Variants in MON2 observed in about 807,000 individuals in gnomAD.
MON2 encodes the protein protein MON2 homolog.
In MON2, 84 loss-of-function variants were observed where a neutral mutation model predicts 208.6. The ratio of observed to expected loss-of-function variants is 0.40; its 90% CI spans 0.34 to 0.48. The LOEUF is 0.48. Among genes scored for constraint, MON2 ranks in the 20% least tolerant of loss-of-function variants. The pLI, the probability that MON2 is intolerant of heterozygous loss-of-function variation, is 0.59. For synonymous variants in MON2, 660 were observed against 694.0 expected (o/e 0.95, Z 0.77); for missense variants, 1,611 against 2,015.4 (o/e 0.80, Z 3.84).
chr12:62,470,831 G>C (rs2068755870), intron 1 of MON2: 1 of 778,808 alleles, frequency 1.3e-6, no homozygotes, highest in Non-Finnish European at 1.6e-6. Flanking sequence ...GGAGCCATTA[G>C]AGCTTTTTGA....
chr12:62,513,854 G>T (rs566608647), intron 8 of MON2, among the ~76,000 whole-genome samples: 3 of 146,376 alleles, frequency 2.0e-5, no homozygotes, highest in Non-Finnish European at 4.6e-5. Context: ...GGAGGCTGAG[G>T]CAGGAGAATG....
chr12:62,570,722 C>CTTTTTTTTTTTTTTTTTT (rs1192680038), intron 29 of MON2, among the ~76,000 whole-genome samples: 2 of 70,814 alleles, frequency 2.8e-5, no homozygotes, highest in African/African-American at 5.9e-5. Flanking sequence ...TTTTCTTTTT[C>CTTTTTTTTTTTTTTTTTT]TTTTTTTTTT....
chr12:62,485,579 CATT>C (rs976098653), intron 2 of MON2, among the ~76,000 whole-genome samples: 4 of 152,106 alleles, frequency 2.6e-5, no homozygotes, highest in African/African-American at 9.7e-5. Context: ...AGTTTTATAA[CATT>C]ATGCACAGAA....
rs144709352 is a variant in MON2, at chr12:62,586,232, C to T, written c.4907+731C>T. On this transcript the variant is annotated intron_variant, in intron 33 of 34. Coordinates refer to ENST00000393630, the MANE Select transcript of MON2 (RefSeq NM_015026.3). ...ACAAAGTTATCAAAGTCAGGAAAGA[C>T]GAAAATCATTGTTCCCGTCTCATAA... Among the ~76,000 whole-genome samples, 412 of 152,224 alleles carry T rather than the reference C, an allele frequency of 2.7e-3. 1 individual carries two copies. The highest frequency in any genetic ancestry group is 9.4e-3 in the African/African-American group (392 of 41,534).
At chr12:62,520,067 T>G (rs1049794645) in intron 8 of MON2, among the ~76,000 whole-genome samples, 3 of 152,210 alleles carry the variant, frequency 2.0e-5, no homozygotes, top group Non-Finnish European at 4.4e-5. Context: ...TGCCCGCCTC[T>G]GCCTCCCAAA....
Position 62,538,245 on chromosome 12 carries a change from T to C in MON2, c.2200-7T>C. Reference sequence around the variant, plus strand: ...TCATATATTACATTTAATTTTATTCTTCTCAGGTTCTAACAACAGCAGTGA... The same window carrying C: ...TCATATATTACATTTAATTTTATTCCTCTCAGGTTCTAACAACAGCAGTGA... On this transcript the variant is annotated splice_region_variant and splice_polypyrimidine_tract_variant and intron_variant, in intron 17 of 34. Transcript: ENST00000393630. 6.2e-7 allele frequency: 1 copy of C among 1,612,356 alleles called. No homozygotes were observed. The highest frequency in any genetic ancestry group is 8.5e-7 in the Non-Finnish European group (1 of 1,178,462).
chr12:62,515,909 A>G (rs988336283), intron 8 of MON2, among the ~76,000 whole-genome samples: 2 of 152,190 alleles, frequency 1.3e-5, no homozygotes, highest in Admixed American at 1.3e-4. Flanking sequence ...TTGGGGTTTT[A>G]TATTGTATGG....
intron 8 of MON2, among the ~76,000 whole-genome samples, chr12:62,516,847 A>G (rs1368382690): frequency 6.6e-6 from 1 of 152,208 alleles, no homozygotes; most frequent in African/African-American, 2.4e-5. Flanking sequence ...CATTTACTCT[A>G]TAAATGTTAC....
intron 7 of MON2, among the ~76,000 whole-genome samples, chr12:62,504,394 G>A (rs1375313365): frequency 6.6e-6 from 1 of 151,524 alleles, no homozygotes; most frequent in Non-Finnish European, 1.5e-5. Flanking sequence ...ACAGGTGCCC[G>A]CCACCACGCC....
chr12:62,540,702 C>G (rs967912568), intron 19 of MON2, among the ~76,000 whole-genome samples: 16 of 152,212 alleles, frequency 1.1e-4, no homozygotes, highest in African/African-American at 3.4e-4. Context: ...AATGGATTTA[C>G]ATGTCTCCCT....
intron 19 of MON2, among the ~76,000 whole-genome samples, chr12:62,539,152 T>C (rs1565662455): frequency 6.6e-6 from 1 of 152,148 alleles, no homozygotes; most frequent in Non-Finnish European, 1.5e-5. Flanking sequence ...TCAATAAATA[T>C]AGTTTGACTA....
intron 2 of MON2, chr12:62,489,945 A>T: frequency 1.5e-6 from 1 of 660,946 alleles, no homozygotes; most frequent in Non-Finnish European, 2.2e-6. Context: ...TTATTTTTTA[A>T]TGGCTGTTAA....
rs1415786431 is a variant in MON2, at chr12:62,538,089, T to C, written c.2119-7T>C. On this transcript the variant is annotated splice_polypyrimidine_tract_variant and splice_region_variant and intron_variant, in intron 16 of 34. Transcript: ENST00000393630. ...TTATTTGTTTTGATTTTTTTTTAAT[T>C]TTACAGCATCTTGTGTGGATTCTGG... 3.1e-6 allele frequency: 5 copies of C among 1,605,994 alleles called. No homozygotes were observed. Among genetic ancestry groups the C allele is most frequent in the Non-Finnish European group, 2.5e-6 (3 of 1,177,230 alleles).
intron 7 of MON2, among the ~76,000 whole-genome samples, chr12:62,503,924 CTTTT>C (rs760637320): frequency 6.6e-6 from 1 of 152,080 alleles, no homozygotes; most frequent in South Asian, 2.1e-4. Context: ...TCTTATCTCT[CTTTT>C]TCTTTGTAGC....
At chr12:62,566,654 A>G (rs1336158328) in intron 29 of MON2, among the ~76,000 whole-genome samples, 3 of 150,376 alleles carry the variant, frequency 2.0e-5, no homozygotes, top group African/African-American at 7.3e-5. Flanking sequence ...ATATTTTAAC[A>G]TAAATATGCA....
intron 8 of MON2, among the ~76,000 whole-genome samples, chr12:62,517,627 G>A (rs959578303): frequency 6.6e-6 from 1 of 152,156 alleles, no homozygotes; most frequent in Non-Finnish European, 1.5e-5. Flanking sequence ...GACAAAGGAA[G>A]AAAGCATCCA....
chr12:62,483,510 G>C lies in MON2; in HGVS notation c.112-660G>C, dbSNP rs985384104. Among the ~76,000 whole-genome samples, 4 of 152,112 alleles carry C rather than the reference G, an allele frequency of 2.6e-5. 1 individual carries two copies. The highest frequency in any genetic ancestry group is 9.7e-5 in the African/African-American group (4 of 41,424). On this transcript the variant is annotated intron_variant, in intron 1 of 34. Transcript: ENST00000393630. ...GAGGTCAGGAGTTCAAGACCAGCCTGGCCAACTAAAAATACAAAAAGTACA... is the reference window on the plus strand; with the variant it reads ...GAGGTCAGGAGTTCAAGACCAGCCTCGCCAACTAAAAATACAAAAAGTACA...
intron 29 of MON2, 99 bp from the exon 30 acceptor site, chr12:62,571,293 A>C: frequency 1.1e-6 from 1 of 924,752 alleles, no homozygotes; most frequent in Non-Finnish European, 1.6e-6. Flanking sequence ...TTTAAGATGA[A>C]AATACCTATG....
chr12:62,521,296 A>C (rs1462232431), intron 8 of MON2, among the ~76,000 whole-genome samples: 1 of 152,160 alleles, frequency 6.6e-6, no homozygotes, highest in Non-Finnish European at 1.5e-5. Flanking sequence ...GGCATAAGCC[A>C]CCTTGCCCGG....
Sources: gnomAD v4.1 joint callset for allele counts (sites outside exome capture counted in the v4.1 genomes callset) on GRCh38, gnomAD v4.1.1 for gene constraint, MANE v1.5 for transcripts, NCBI Gene and HGNC (gene_info 2026-07-23, HGNC 2026-07-21) for gene names.